The following SLC12A2 variants were observed in gnomAD, a reference collection of about 807,000 sequenced individuals.
SLC12A2 encodes Na-K-2Cl cotransporter 1.
In SLC12A2, 67 loss-of-function variants were observed where a neutral mutation model predicts 136.3. That is an observed-to-expected ratio of 0.49 (90% CI 0.40 to 0.60). The LOEUF (loss-of-function observed/expected upper bound fraction) is 0.60, where lower values mean the gene tolerates loss of function less well. Ranked by LOEUF, SLC12A2 falls within the 20% of genes least tolerant of loss-of-function variation. SLC12A2 has a pLI of 0.00. For synonymous variants in SLC12A2, 619 were observed against 562.9 expected (o/e 1.10, Z -1.41); for missense variants, 1,322 against 1,534.7 (o/e 0.86, Z 2.32).
At chr5:128,114,957 C>A (rs1761292547) in intron 4 of SLC12A2, among the ~76,000 whole-genome samples, 1 of 152,118 alleles carries the variant, frequency 6.6e-6, no homozygotes, top group Non-Finnish European at 1.5e-5. Context: ...TTAATTGCCT[C>A]CTCCAAGGCT....
chr5:128,171,344 G>A (rs980972399), intron 18 of SLC12A2, among the ~76,000 whole-genome samples: 6 of 152,016 alleles, frequency 3.9e-5, no homozygotes, highest in Non-Finnish European at 7.4e-5. Flanking sequence ...TATAAATATA[G>A]CGGGATTCTG....
At chr5:128,164,035 T>C (rs1054494816) in intron 17 of SLC12A2, among the ~76,000 whole-genome samples, 1 of 152,210 alleles carries the variant, frequency 6.6e-6, no homozygotes, top group African/African-American at 2.4e-5. Context: ...AGCCAATTTA[T>C]ACAAACAATA....
At chr5:128,184,961 T>A in intron 26 of SLC12A2, 105 bp downstream of exon 26, 1 of 1,021,978 alleles carries the variant, frequency 9.8e-7, no homozygotes, top group Non-Finnish European at 1.5e-6. Flanking sequence ...ATTGACTTAG[T>A]GGTTATAAGG....
intron 1 of SLC12A2, among the ~76,000 whole-genome samples, chr5:128,096,469 A>G (rs1333270688): frequency 6.6e-6 from 1 of 152,086 alleles, no homozygotes; most frequent in African/African-American, 2.4e-5. Context: ...GTTATGGCAA[A>G]TAACTCTTTA....
intron 1 of SLC12A2, chr5:128,110,830 A>T (rs984879186): frequency 6.8e-7 from 1 of 1,469,696 alleles, no homozygotes; most frequent in East Asian, 2.3e-5. Context: ...AAATAATCTC[A>T]TGGATGATGA....
intron 21 of SLC12A2, 86 bp from the exon 22 acceptor site, chr5:128,178,481 A>G: frequency 2.0e-6 from 2 of 1,001,580 alleles, no homozygotes; most frequent in Non-Finnish European, 2.8e-6. Context: ...ATCTGAATAT[A>G]CAAACATTAG....
rs372309686 is a variant in SLC12A2 at position 128,146,449 on chromosome 5, A to G, written c.1774-1173A>G. ...AATCTTCATGACATTGACATTTTCA[A>G]CATTTGAACCAGGTTGTTTTTGAAT... On this transcript the variant is annotated intron_variant, in intron 10 of 26. Coordinates refer to ENST00000262461, the MANE Select transcript of SLC12A2 (RefSeq NM_001046.3). 1.1e-4 allele frequency among the ~76,000 whole-genome samples: 16 copies of G among 151,700 alleles called. No homozygotes were observed. In the East Asian group the frequency reaches 1.7e-3, roughly 17 times the overall value.
chr5:128,084,732 T>A lies in SLC12A2; in HGVS notation c.756+22T>A, dbSNP rs773244657. The A allele has an allele frequency of 3.2e-6, 5 of 1,540,362 alleles. No individual in the cohort carries two copies. The highest frequency in any genetic ancestry group is 4.4e-6 in the Non-Finnish European group (5 of 1,140,574). On this transcript the variant is annotated intron_variant, in intron 1 of 26. Transcript: ENST00000262461. This position sits in a 1 kb window ranked among gnomAD's most constrained non-coding sequence, Gnocchi z 5.6. ...AAAGGTGAGCTCGCCCAGCCCTCCC[T>A]TCTTCCCCAGCCCCTGGTGCATGCC...
chr5:128,166,683 T>A (rs1276649434), intron 17 of SLC12A2, among the ~76,000 whole-genome samples: 2 of 152,042 alleles, frequency 1.3e-5, no homozygotes, highest in Non-Finnish European at 2.9e-5. Flanking sequence ...TTATTAAGGG[T>A]TATAGAATTT....
At position 128,186,492 on chromosome 5, in the gene SLC12A2, C is replaced by T; in HGVS notation, c.3504-4C>T. On this transcript the variant is annotated splice_polypyrimidine_tract_variant and splice_region_variant and intron_variant, in intron 26 of 26. Transcript: ENST00000262461. The stretch of plus-strand genomic sequence containing the variant: ...TTTTTTTCTTTTTCTCTTTTTGATA[C>T]CAGGAGTCTCCCAGTTGCACGAAAA... 1 of 1,585,598 alleles carries T rather than the reference C, an allele frequency of 6.3e-7. No homozygotes were observed. Among genetic ancestry groups the T allele is most frequent in the Non-Finnish European group, 8.6e-7 (1 of 1,167,840 alleles).
At position 128,141,923 on chromosome 5, in the gene SLC12A2, T is replaced by C. The variant is rs955096144; in HGVS notation, c.1715T>C (p.Phe572Ser). The change falls in exon 10 of 27, where the codon TTT becomes TCT. Residue 572 changes from phenylalanine to serine, a missense_variant. Transcript: ENST00000262461. ...NCTSAACKLN[F>S]DFSSCESSPC... ...ACTTCTGCAGCCTGCAAATTAAACT[T>C]TGATTTTTCATCTTGTGAAAGCAGT... is the stretch of plus-strand genomic sequence containing the variant. The C allele has an allele frequency of 6.2e-7, 1 of 1,613,944 alleles. No individual in the cohort carries two copies. Among genetic ancestry groups the C allele is most frequent in the African/African-American group, 1.3e-5 (1 of 74,922 alleles).
chr5:128,114,182 C>T, intron 2 of SLC12A2, 30 bp from the exon 3 acceptor site: 1 of 1,495,302 alleles, frequency 6.7e-7, no homozygotes, highest in South Asian at 1.1e-5. Context: ...TCTTCTTCCT[C>T]TGTGTCTTGG....
intron 21 of SLC12A2, 35 bp from the exon 22 acceptor site, chr5:128,178,532 T>G (rs1763602366): frequency 3.4e-6 from 5 of 1,482,330 alleles, no homozygotes; most frequent in Non-Finnish European, 3.6e-6. Context: ...TAATATTTAC[T>G]TTGCTTACAT....
At chr5:128,089,809 A>G (rs1760244671) in intron 1 of SLC12A2, among the ~76,000 whole-genome samples, 1 of 152,218 alleles carries the variant, frequency 6.6e-6, no homozygotes. Context: ...TCCTCTAACC[A>G]TGAGCTGCTT....
chr5:128,165,921 C>A (rs1304001469), intron 17 of SLC12A2, among the ~76,000 whole-genome samples: 1 of 9,090 alleles, frequency 1.1e-4, no homozygotes, highest in East Asian at 1.6e-3. Flanking sequence ...TTTTACCTCC[C>A]CCCCCCCCCC....
chr5:128,184,535 T>C, intron 25 of SLC12A2, 34 bp downstream of exon 25: 1 of 1,534,236 alleles, frequency 6.5e-7, no homozygotes, highest in Non-Finnish European at 8.8e-7. Flanking sequence ...ATTAATCTTT[T>C]ATATAATAAA....
chr5:128,184,672 A>G, intron 25 of SLC12A2, 117 bp from the exon 26 acceptor site: 5 of 1,513,222 alleles, frequency 3.3e-6, no homozygotes, highest in East Asian at 4.5e-5. Context: ...TAGAGAACAG[A>G]TATTTTTATT....
At chr5:128,171,772 T>G in intron 19 of SLC12A2, 26 bp downstream of exon 19, 1 of 1,347,220 alleles carries the variant, frequency 7.4e-7, no homozygotes, top group Non-Finnish European at 1.0e-6. Context: ...AATAAGTTTT[T>G]TATTTACAAA....
chr5:128,132,620 C>T (rs192362693), intron 5 of SLC12A2, among the ~76,000 whole-genome samples: 1 of 152,088 alleles, frequency 6.6e-6, no homozygotes, highest in Non-Finnish European at 1.5e-5. Context: ...TCAAGTGACA[C>T]CTATAATTGC....
Sources: allele counts gnomAD v4.1 joint callset (sites outside exome capture counted in the v4.1 genomes callset), GRCh38; gene constraint gnomAD v4.1.1; non-coding constraint Gnocchi (gnomAD v3.1); transcripts MANE v1.5; gene names NCBI Gene and HGNC (gene_info 2026-07-23, HGNC 2026-07-21).